The following LRGUK variants were observed in gnomAD, a reference collection of about 807,000 sequenced individuals.
LRGUK encodes leucine rich repeats and guanylate kinase domain containing, also known as leucine-rich repeat and guanylate kinase domain-containing protein.
A neutral mutation model predicts 76.0 loss-of-function variants in LRGUK; 65 were observed. The observed-to-expected ratio is 0.85, with a 90% CI of 0.70 to 1.05. The LOEUF (loss-of-function observed/expected upper bound fraction) is 1.05. LRGUK is among the 50% of genes least tolerant of loss of function. The pLI is 0.00. For missense variants in LRGUK, 758 were observed against 732.8 expected (o/e 1.03, Z -0.40); for synonymous variants, 268 against 265.6 (o/e 1.01, Z -0.09).
exon 16 of LRGUK, chr7:134,208,973 G>A: frequency 2.5e-6 from 1 of 399,036 alleles, no homozygotes; most frequent in Non-Finnish European, 4.4e-6. Context: ...ATCAGCACTG[G>A]GTCTTCCTCA....
intron 14 of LRGUK, among the ~76,000 whole-genome samples, chr7:134,201,063 C>G (rs1338233018): frequency 1.3e-5 from 2 of 152,150 alleles, no homozygotes; most frequent in Non-Finnish European, 2.9e-5. Flanking sequence ...AAGCCAGCAC[C>G]AGCACATCGA....
chr7:134,261,371 T>C (rs917239184), intron 19 of LRGUK, among the ~76,000 whole-genome samples: 3 of 152,190 alleles, frequency 2.0e-5, no homozygotes, highest in Non-Finnish European at 4.4e-5. Flanking sequence ...GCTCAATTTG[T>C]ATCAAATTAG....
intron 5 of LRGUK, among the ~76,000 whole-genome samples, chr7:134,154,199 C>T (rs376516726): frequency 2.0e-5 from 3 of 152,148 alleles, no homozygotes; most frequent in African/African-American, 7.2e-5. Flanking sequence ...TCTCCTGATA[C>T]TGGTCTTTTA....
chr7:134,184,624 C>T (rs1799906097), intron 11 of LRGUK, among the ~76,000 whole-genome samples: 1 of 152,088 alleles, frequency 6.6e-6, no homozygotes, highest in Non-Finnish European at 1.5e-5. Flanking sequence ...GCAATGACTC[C>T]CCTGCTCCCT....
intron 16 of LRGUK, among the ~76,000 whole-genome samples, chr7:134,223,939 C>T (rs1385788162): frequency 6.6e-6 from 1 of 152,024 alleles, no homozygotes; most frequent in East Asian, 1.9e-4. Flanking sequence ...AGGTTTTTTT[C>T]TTATACCTAC....
intron 15 of LRGUK, among the ~76,000 whole-genome samples, chr7:134,217,867 GTA>G (rs1341635122): frequency 6.6e-6 from 1 of 151,924 alleles, no homozygotes; most frequent in Non-Finnish European, 1.5e-5. Flanking sequence ...TACATCATAT[GTA>G]TATATGCATT....
Position 134,157,136 on chromosome 7 carries a change from C to T in LRGUK, c.671-899C>T, listed in dbSNP as rs1164306135. Among the ~76,000 whole-genome samples, 6 of 152,102 alleles carry T rather than the reference C, an allele frequency of 3.9e-5. No individual in the cohort carries two copies. In the South Asian group the frequency reaches 6.2e-4, roughly 16 times the overall value. On this transcript the variant is annotated intron_variant, in intron 5 of 15. Transcript: ENST00000645682. ...AATTTTCACAATAAATGGAATTTAACGGATGAAGAAAGTAAGGCAGAGTTT... is the reference window on the plus strand; with the variant it reads ...AATTTTCACAATAAATGGAATTTAATGGATGAAGAAAGTAAGGCAGAGTTT...
chr7:134,141,748 G>A (rs1283654332), intron 3 of LRGUK: 1 of 152,184 alleles, frequency 6.6e-6, no homozygotes, highest in African/African-American at 2.4e-5. Context: ...ATGTAGCTGA[G>A]CTCAGCATGG....
chr7:134,159,880 G>A (rs925552138), intron 6 of LRGUK, among the ~76,000 whole-genome samples: 3 of 152,248 alleles, frequency 2.0e-5, no homozygotes, highest in African/African-American at 7.2e-5. Flanking sequence ...TCCCAGTACT[G>A]AGGATGAACC....
chr7:134,256,709 T>G (rs1448747144), intron 18 of LRGUK, among the ~76,000 whole-genome samples: 2 of 152,122 alleles, frequency 1.3e-5, no homozygotes, highest in Non-Finnish European at 2.9e-5. Flanking sequence ...AGCTAATTCA[T>G]CCCTCATGTC....
intron 13 of LRGUK, among the ~76,000 whole-genome samples, chr7:134,198,738 G>A (rs1800624120): frequency 6.6e-6 from 1 of 152,168 alleles, no homozygotes; most frequent in African/African-American, 2.4e-5. Context: ...GTGACGAGGA[G>A]CTTGGCCTTC....
chr7:134,178,565 C>T, exon 10 of LRGUK: 1 of 1,613,232 alleles, frequency 6.2e-7, no homozygotes. Context: ...ACCACCTGAC[C>T]CATGTTGTCA....
chr7:134,214,178 C>CA (rs1207734321), downstream of LRGUK, among the ~76,000 whole-genome samples: 1 of 150,722 alleles, frequency 6.6e-6, no homozygotes, highest in Non-Finnish European at 1.5e-5. Flanking sequence ...ATAGATATGT[C>CA]AAAAAGTATT....
chr7:134,223,002 T>C (rs1476548720), intron 16 of LRGUK, among the ~76,000 whole-genome samples: 2 of 152,140 alleles, frequency 1.3e-5, no homozygotes, highest in African/African-American at 4.8e-5. Context: ...AGGCAAAAAG[T>C]CTTAGGCTGG....
chr7:134,178,504 T>C, exon 10 of LRGUK: 1 of 1,608,512 alleles, frequency 6.2e-7, no homozygotes, highest in East Asian at 2.2e-5. Flanking sequence ...CTGGAAAAGG[T>C]TTCAGCAGTG....
chr7:134,182,024 C>G (rs1468797907), intron 10 of LRGUK, among the ~76,000 whole-genome samples: 2 of 152,316 alleles, frequency 1.3e-5, no homozygotes, highest in East Asian at 3.9e-4. Context: ...TCCCTAACCC[C>G]TGGAAACCAC....
intron 1 of LRGUK, 152 bp downstream of exon 1, chr7:134,127,816 T>C (rs1797081840): frequency 2.5e-6 from 2 of 810,772 alleles, no homozygotes. Flanking sequence ...CCCTCTTTTC[T>C]TCCCCTGTCT....
chr7:134,127,885 C>A (rs1797086268), intron 1 of LRGUK, among the ~76,000 whole-genome samples: 1 of 151,584 alleles, frequency 6.6e-6, no homozygotes, highest in South Asian at 2.1e-4. Flanking sequence ...TTTCTTTTTT[C>A]ATTAACACAT....
chr7:134,199,363 C>A, exon 14 of LRGUK: 2 of 1,613,616 alleles, frequency 1.2e-6, no homozygotes, highest in Non-Finnish European at 1.7e-6. Flanking sequence ...CCAGAGTGGA[C>A]CTTTATATTA....
Sources: gnomAD v4.1 joint callset for allele counts (sites outside exome capture counted in the v4.1 genomes callset) on GRCh38, gnomAD v4.1.1 for gene constraint, MANE v1.5 for transcripts, NCBI Gene and HGNC (gene_info 2026-07-23, HGNC 2026-07-21) for gene names.